Variants in STK17B observed in about 807,000 individuals in gnomAD.
The protein encoded by STK17B is serine/threonine-protein kinase 17B.
A neutral mutation model predicts 42.0 loss-of-function variants in STK17B; 21 were observed. That is an observed-to-expected ratio of 0.50 (90% CI 0.35 to 0.72). The LOEUF (loss-of-function observed/expected upper bound fraction) is 0.72. STK17B is among the 30% of genes least tolerant of loss of function. STK17B has a pLI of 0.00. For synonymous variants in STK17B, 143 were observed against 148.4 expected (o/e 0.96, Z 0.26); for missense variants, 349 against 446.0 (o/e 0.78, Z 1.96).
chr2:196,141,731 T>C (rs892996801), intron 5 of STK17B, among the ~76,000 whole-genome samples: 2 of 152,208 alleles, frequency 1.3e-5, no homozygotes, highest in Non-Finnish European at 2.9e-5. Flanking sequence ...TTTAGAAATT[T>C]AGCACAGTAT....
Position 196,140,694 on chromosome 2 carries a change from A to G in STK17B, c.656+555T>C, listed in dbSNP as rs548639525. 3.4e-3 allele frequency among the ~76,000 whole-genome samples: 501 copies of G among 148,150 alleles called. 1 individual carries two copies. The highest frequency in any genetic ancestry group is 0.011 in the South Asian group (53 of 4,742). ...ATTCTCCTGCCTCAGCATCCTGAGT[A>G]GCTGGGATTACAGGTACGCGCCACC... On this transcript the variant is annotated intron_variant, in intron 6 of 7. Coordinates refer to ENST00000263955, the MANE Select transcript of STK17B (RefSeq NM_004226.4).
At chr2:196,167,142 A>C (rs1374758756) in intron 1 of STK17B, among the ~76,000 whole-genome samples, 1 of 152,204 alleles carries the variant, frequency 6.6e-6, no homozygotes, top group Non-Finnish European at 1.5e-5. Context: ...CTCAACACAG[A>C]ATGGCCTCTC....
chr2:196,158,154 C>G (rs569664311), intron 2 of STK17B, among the ~76,000 whole-genome samples: 10 of 152,260 alleles, frequency 6.6e-5, no homozygotes, highest in Middle Eastern at 3.4e-3. Flanking sequence ...CAATATATTT[C>G]TAACACAGTC....
chr2:196,144,486 C>CAAAAAAAAAAAA lies in STK17B; in HGVS notation c.481-812_481-801dup, dbSNP rs869118381. Among the ~76,000 whole-genome samples, 3 of 55,958 alleles carry CAAAAAAAAAAAA rather than the reference C, an allele frequency of 5.4e-5. 1 individual carries two copies. The highest frequency in any genetic ancestry group is 1.0e-4 in the Non-Finnish European group (3 of 29,876). 36.7% of individuals were successfully genotyped at this position (55,958 alleles called of 152,430 possible). A position where few individuals can be genotyped will look rare whatever the true frequency, so the allele number is the denominator to read the frequency against. ...TGGGCGACAGAGCGAGACTCTGTCT[C>CAAAAAAAAAAAA]AAAAAAAAAAAAAAAAAAAAAAAAA... On this transcript the variant is annotated intron_variant, in intron 4 of 7. Transcript: ENST00000263955.
In STK17B at chr2:196,136,318, C is replaced by G. The variant is rs1699405225; in HGVS notation, c.*1129G>C. 1 of 152,280 alleles carries G rather than the reference C, an allele frequency of 6.6e-6. No individual in the cohort carries two copies. The highest frequency in any genetic ancestry group is 2.1e-4 in the South Asian group (1 of 4,830). The allele number at this position is 152,280 out of a possible 1,614,324, so 9.4% of individuals were successfully genotyped here. A position where few individuals can be genotyped will look rare whatever the true frequency, so the allele number is the denominator to read the frequency against. On this transcript the variant is annotated 3_prime_UTR_variant, in exon 8 of 8. Transcript: ENST00000263955. ...CTCTCCCTAGTCTCTTGCATTGGTC[C>G]CAGCAAAAGACCACAATGAGGGGCC...
intron 1 of STK17B, among the ~76,000 whole-genome samples, chr2:196,170,248 A>T (rs1699922608): frequency 6.6e-6 from 1 of 152,168 alleles, no homozygotes; most frequent in African/African-American, 2.4e-5. Context: ...GCTGCCACTC[A>T]TTTCTACAGA....
chr2:196,136,005 G>T lies in STK17B; in HGVS notation c.*1442C>A, dbSNP rs1699398702. 1 of 152,046 alleles carries T rather than the reference G, an allele frequency of 6.6e-6. No homozygotes were observed. Among genetic ancestry groups the T allele is most frequent in the African/African-American group, 2.4e-5 (1 of 41,398 alleles). 9.4% of individuals were successfully genotyped at this position (152,046 alleles called of 1,614,324 possible). A position where few individuals can be genotyped will look rare whatever the true frequency, so the allele number is the denominator to read the frequency against. ...AATTCACCATGTGGTCAAATAAAGT[G>T]ACCTGATAGTTATTCAAAAAGTTTT... On this transcript the variant is annotated 3_prime_UTR_variant, in exon 8 of 8. Transcript: ENST00000263955.
At chr2:196,154,604 G>A (rs1559413146) in intron 3 of STK17B, 1 of 152,240 alleles carries the variant, frequency 6.6e-6, no homozygotes, top group Non-Finnish European at 1.5e-5. Context: ...TTGGAATTTT[G>A]TAAAATAAGA....
rs188130766 is a variant in STK17B, at chr2:196,139,861, C to T, written c.657-62G>A. The T allele has an allele frequency of 3.1e-3, 3,835 of 1,222,650 alleles. 16 individuals are homozygous for T. Among genetic ancestry groups the T allele is most frequent in the Middle Eastern group, 7.7e-3 (28 of 3,624 alleles). The allele number at this position is 1,222,650 out of a possible 1,614,324, so 75.7% of individuals were successfully genotyped here. Reference sequence around the variant, plus strand: ...AATTTTTAAACATTTATACAAAGTACAATCGACATTCAACATACTCCTCTC... The same window carrying T: ...AATTTTTAAACATTTATACAAAGTATAATCGACATTCAACATACTCCTCTC... On this transcript the variant is annotated intron_variant, in intron 6 of 7. Coordinates refer to ENST00000263955, the MANE Select transcript of STK17B (RefSeq NM_004226.4).
chr2:196,141,446 G>C (rs952178160), intron 5 of STK17B, 149 bp from the exon 6 acceptor site: 2 of 618,952 alleles, frequency 3.2e-6, no homozygotes, highest in African/African-American at 1.9e-5. Flanking sequence ...GATCACCTGA[G>C]ATCACAGTTC....
chr2:196,167,071 T>C (rs1445314588), intron 1 of STK17B, among the ~76,000 whole-genome samples: 1 of 152,226 alleles, frequency 6.6e-6, no homozygotes, highest in African/African-American at 2.4e-5. Context: ...TATACTTCTT[T>C]GCCTGAAAAA....
In STK17B at chr2:196,134,782, C is replaced by T. The variant is rs1254061101; in HGVS notation, c.*2665G>A. ...TATCACAACATAACACTTATCTTCT[C>T]ATGTGTTCAAGTGTTACTGACATTT... is the stretch of plus-strand genomic sequence containing the variant. On this transcript the variant is annotated 3_prime_UTR_variant, in exon 8 of 8. Coordinates refer to ENST00000263955, the MANE Select transcript of STK17B (RefSeq NM_004226.4). 1.3e-5 allele frequency: 2 copies of T among 152,342 alleles called. No homozygotes were observed. The highest frequency in any genetic ancestry group is 4.8e-5 in the African/African-American group (2 of 41,584). The allele number at this position is 152,342 out of a possible 1,614,324, so 9.4% of individuals were successfully genotyped here.
intron 1 of STK17B, among the ~76,000 whole-genome samples, chr2:196,170,440 A>C (rs180809181): frequency 1.1e-4 from 17 of 152,358 alleles, no homozygotes; most frequent in Admixed American, 3.9e-4. Flanking sequence ...GTGAAATCTG[A>C]TAAGTATTAC....
rs571636905 is a variant in STK17B at position 196,139,620 on chromosome 2, T to G, written c.836A>C (p.Glu279Ala). 10 of 1,367,994 alleles carry G rather than the reference T, an allele frequency of 7.3e-6. No homozygotes were observed. The East Asian group carries it at 8.0e-5, about 11-fold the overall frequency. 84.7% of individuals were successfully genotyped at this position (1,367,994 alleles called of 1,614,324 possible). ...AGTATTTAAACAAATTATTACTTAC[T>G]CTGGATTTTTTACTAAAAGGCTCTG... ...FIQSLLVKNPEKRPTAEICLS... is the reference protein window; with the variant it reads ...FIQSLLVKNPAKRPTAEICLS... The change falls in exon 7 of 8, where the codon GAG (glutamate) becomes GCG (alanine). Residue 279 changes from glutamate (E) to alanine (A), a missense_variant and splice_region_variant. Physicochemically the swap from Glu to Ala is moderately radical, Grantham distance 107 (BLOSUM62 -1). Transcript: ENST00000263955.
chr2:196,169,494 C>G (rs1377885038), intron 1 of STK17B, among the ~76,000 whole-genome samples: 4 of 152,090 alleles, frequency 2.6e-5, no homozygotes, highest in Non-Finnish European at 4.4e-5. Context: ...CTTCTTGTGT[C>G]TCTAAAATTA....
At chr2:196,154,629 A>C (rs13025968) in intron 3 of STK17B, 89,136 of 152,068 alleles carry the variant, frequency 0.59, 26,914 homozygotes, top group East Asian at 0.9. Context: ...GGGAAGAAAA[A>C]GTGTGTAGGA....
chr2:196,155,907 T>C (rs1449153398), intron 3 of STK17B, among the ~76,000 whole-genome samples: 1 of 152,208 alleles, frequency 6.6e-6, no homozygotes, highest in Non-Finnish European at 1.5e-5. Flanking sequence ...ACAACTAACA[T>C]AGTGCTTTAC....
chr2:196,144,501 A>G (rs1699542625), intron 4 of STK17B, among the ~76,000 whole-genome samples: 1 of 34,704 alleles, frequency 2.9e-5, no homozygotes. Flanking sequence ...AAAAAAAAAA[A>G]AAAAAAAAAA....
chr2:196,175,752 T>C (rs1421651447), upstream of STK17B, among the ~76,000 whole-genome samples: 6 of 152,358 alleles, frequency 3.9e-5, no homozygotes, highest in East Asian at 1.9e-4. Context: ...CATGGCCACA[T>C]GTGGCTACTA....
Sources: allele counts gnomAD v4.1 joint callset (sites outside exome capture counted in the v4.1 genomes callset), GRCh38; gene constraint gnomAD v4.1.1; transcripts MANE v1.5; gene names NCBI Gene and HGNC (gene_info 2026-07-23, HGNC 2026-07-21).